The following TBC1D12 variants were observed in gnomAD, a reference collection of about 807,000 sequenced individuals.
TBC1D12 encodes the protein TBC1 domain family, member 12.
Under a neutral mutation model 86.7 loss-of-function variants are expected in TBC1D12, and 56 were observed. The observed-to-expected ratio is 0.65, with a 90% CI of 0.52 to 0.81. The LOEUF (loss-of-function observed/expected upper bound fraction) is 0.81. Ranked by LOEUF, TBC1D12 falls within the 30% of genes least tolerant of loss-of-function variation. The pLI, the probability that TBC1D12 is intolerant of heterozygous loss-of-function variation, is 0.00. For synonymous variants in TBC1D12, 421 were observed against 411.7 expected (o/e 1.02, Z -0.27); for missense variants, 1,023 against 1,038.8 (o/e 0.98, Z 0.21).
chr10:94,500,873 T>C (rs1423484810), intron 6 of TBC1D12, among the ~76,000 whole-genome samples: 1 of 151,152 alleles, frequency 6.6e-6, no homozygotes. Context: ...CCAGCCAACA[T>C]AGCGAAACCC....
chr10:94,485,669 T>A (rs147008554), intron 3 of TBC1D12, among the ~76,000 whole-genome samples: 53 of 152,132 alleles, frequency 3.5e-4, no homozygotes, highest in African/African-American at 1.3e-3. Flanking sequence ...AGGATTGTTG[T>A]CAGTTCAATT....
At chr10:94,439,520 G>T (rs924936989) in intron 1 of TBC1D12, among the ~76,000 whole-genome samples, 2 of 152,114 alleles carry the variant, frequency 1.3e-5, no homozygotes, top group African/African-American at 4.8e-5. Flanking sequence ...CCAGGTTGAG[G>T]CTGCAGGTTC....
chr10:94,522,045 C>T lies in TBC1D12; in HGVS notation c.1852C>T (p.Pro618Ser), dbSNP rs1315657594. The change falls in exon 10 of 13, where the codon CCA becomes TCA. Residue 618 changes from proline (P) to serine (S), a missense_variant. Coordinates refer to ENST00000225235, the MANE Select transcript of TBC1D12 (RefSeq NM_015188.2). ...FIAFANLLNK[P>S]CQLAFFRVDH... ...CGCATTTGCCAATCTCCTGAATAAGCCATGCCAGTTGGCCTTTTTTCGTGT... is the reference window on the plus strand; with the variant it reads ...CGCATTTGCCAATCTCCTGAATAAGTCATGCCAGTTGGCCTTTTTTCGTGT... 6.2e-7 allele frequency: 1 copy of T among 1,612,764 alleles called. No homozygotes were observed. The highest frequency in any genetic ancestry group is 2.2e-5 in the East Asian group (1 of 44,836).
intron 4 of TBC1D12, among the ~76,000 whole-genome samples, chr10:94,494,720 T>C (rs2134178873): frequency 6.6e-6 from 1 of 152,100 alleles, no homozygotes; most frequent in African/African-American, 2.4e-5. Flanking sequence ...ATTTTTGTAT[T>C]TTTTTGTGGA....
intron 8 of TBC1D12, among the ~76,000 whole-genome samples, chr10:94,511,083 T>C (rs962332575): frequency 2.0e-5 from 3 of 148,100 alleles, no homozygotes; most frequent in Non-Finnish European, 4.4e-5. Context: ...TGTTATTTAG[T>C]AGTAAATATT....
Position 94,402,561 on chromosome 10 carries a change from C to G in TBC1D12, c.-53C>G. The G allele has an allele frequency of 2.5e-6, 4 of 1,596,030 alleles. No homozygotes were observed. The highest frequency in any genetic ancestry group is 3.4e-6 in the Non-Finnish European group (4 of 1,170,904). On this transcript the variant is annotated 5_prime_UTR_variant, in exon 1 of 13. Coordinates refer to ENST00000225235, the MANE Select transcript of TBC1D12 (RefSeq NM_015188.2). ...CACCCAGAGCTGTTCTCTGGCCAAG[C>G]CTGCGCCTGTAGTCCTTCTTTGCCT...
At chr10:94,442,945 C>A (rs1177671666) in intron 2 of TBC1D12, among the ~76,000 whole-genome samples, 1 of 152,050 alleles carries the variant, frequency 6.6e-6, no homozygotes, top group Non-Finnish European at 1.5e-5. Context: ...GTAGTTAATT[C>A]TTTTTTTCTT....
At chr10:94,407,339 G>A (rs1173189780) in intron 1 of TBC1D12, among the ~76,000 whole-genome samples, 2 of 152,166 alleles carry the variant, frequency 1.3e-5, no homozygotes, top group Non-Finnish European at 2.9e-5. Flanking sequence ...GGCTGTCAGA[G>A]CCCTAAAAGT....
intron 2 of TBC1D12, among the ~76,000 whole-genome samples, chr10:94,461,425 G>T (rs531306990): frequency 6.6e-6 from 1 of 152,198 alleles, no homozygotes; most frequent in Non-Finnish European, 1.5e-5. Context: ...TCTCCTGAGG[G>T]CAGACCTTGT....
chr10:94,484,651 G>C (rs891865156), intron 3 of TBC1D12, among the ~76,000 whole-genome samples: 1 of 152,146 alleles, frequency 6.6e-6, no homozygotes, highest in African/African-American at 2.4e-5. Context: ...TTGGTATTTT[G>C]ATAGGGTTTG....
At chr10:94,486,969 T>C (rs959682383) in intron 3 of TBC1D12, among the ~76,000 whole-genome samples, 5 of 152,320 alleles carry the variant, frequency 3.3e-5, no homozygotes, top group Admixed American at 3.3e-4. Context: ...AATATTTGCT[T>C]TATATACATG....
At chr10:94,405,128 AG>A (rs1214355286) in intron 1 of TBC1D12, among the ~76,000 whole-genome samples, 3 of 150,830 alleles carry the variant, frequency 2.0e-5, no homozygotes, top group African/African-American at 7.3e-5. Context: ...TTTTTTCTTA[AG>A]TCCCCAGGCA....
chr10:94,409,331 T>G (rs377649831), intron 1 of TBC1D12, among the ~76,000 whole-genome samples: 138 of 152,054 alleles, frequency 9.1e-4, no homozygotes, highest in African/African-American at 3.3e-3. Flanking sequence ...TAAGATAATT[T>G]AAGCACTCAA....
intron 1 of TBC1D12, among the ~76,000 whole-genome samples, chr10:94,406,307 G>C (rs1028466065): frequency 1.3e-5 from 2 of 152,172 alleles, no homozygotes; most frequent in Admixed American, 1.3e-4. Flanking sequence ...CAGAGCACTG[G>C]ATTTGAAGTC....
intron 11 of TBC1D12, among the ~76,000 whole-genome samples, chr10:94,522,755 T>A (rs918627555): frequency 1.3e-5 from 2 of 152,050 alleles, no homozygotes; most frequent in Non-Finnish European, 2.9e-5. Context: ...CTCTACTAAA[T>A]ATACAAAAAC....
chr10:94,510,021 T>C (rs1252734022), intron 7 of TBC1D12, 70 bp from the exon 8 acceptor site: 1 of 1,049,574 alleles, frequency 9.5e-7, no homozygotes, highest in Non-Finnish European at 1.5e-6. Context: ...GTGTGATCAT[T>C]CTGTATTTAT....
intron 6 of TBC1D12, among the ~76,000 whole-genome samples, chr10:94,501,743 T>G (rs1371034195): frequency 1.3e-5 from 2 of 151,708 alleles, no homozygotes; most frequent in Non-Finnish European, 2.9e-5. Context: ...AGATGGGGTT[T>G]TGCCATGCTG....
At chr10:94,486,049 A>T (rs1025700985) in intron 3 of TBC1D12, among the ~76,000 whole-genome samples, 11 of 151,642 alleles carry the variant, frequency 7.3e-5, no homozygotes, top group Non-Finnish European at 1.3e-4. Flanking sequence ...TTCTTTTCAA[A>T]AAAACCAACT....
intron 1 of TBC1D12, among the ~76,000 whole-genome samples, chr10:94,433,674 T>C (rs1304239492): frequency 1.3e-5 from 2 of 152,200 alleles, no homozygotes; most frequent in Non-Finnish European, 2.9e-5. Flanking sequence ...CTGTAGTTAT[T>C]ACTTTCCTTT....
Sources: gnomAD v4.1 joint callset for allele counts (sites outside exome capture counted in the v4.1 genomes callset) on GRCh38, gnomAD v4.1.1 for gene constraint, MANE v1.5 for transcripts, NCBI Gene and HGNC (gene_info 2026-07-23, HGNC 2026-07-21) for gene names.